Variants in PTPRT observed in about 807,000 individuals in gnomAD.
PTPRT encodes receptor-type tyrosine-protein phosphatase T.
Under a neutral mutation model 176.8 loss-of-function variants are expected in PTPRT, and 56 were observed. The ratio of observed to expected loss-of-function variants is 0.32; its 90% CI spans 0.26 to 0.40. The LOEUF is 0.40. Among genes scored for constraint, PTPRT ranks in the 10% least tolerant of loss-of-function variants. The pLI is 1.00. For missense variants in PTPRT, 1,540 were observed against 1,908.2 expected (o/e 0.81, Z 3.60); for synonymous variants, 783 against 739.0 (o/e 1.06, Z -0.96).
chr20:42,232,116 A>G (rs2056146306), intron 15 of PTPRT, among the ~76,000 whole-genome samples: 1 of 152,202 alleles, frequency 6.6e-6, no homozygotes, highest in South Asian at 2.1e-4. Context: ...TAACTCCTAT[A>G]TACCCAGAAC....
At chr20:42,329,500 C>T (rs34542128) in intron 11 of PTPRT, among the ~76,000 whole-genome samples, 41,027 of 135,196 alleles carry the variant, frequency 0.3, 5,967 homozygotes, top group Non-Finnish European at 0.37. Flanking sequence ...CACACACACA[C>T]ACATACACAC....
At chr20:42,532,417 T>C (rs890372997) in intron 7 of PTPRT, among the ~76,000 whole-genome samples, 2 of 152,164 alleles carry the variant, frequency 1.3e-5, no homozygotes, top group African/African-American at 2.4e-5. Flanking sequence ...CCATCTTTTT[T>C]TGAGACAGGG....
chr20:42,980,674 G>C (rs183784227), intron 1 of PTPRT, among the ~76,000 whole-genome samples: 2 of 152,262 alleles, frequency 1.3e-5, no homozygotes, highest in African/African-American at 2.4e-5. Context: ...TCAAATCTCA[G>C]CTCTGACCAA....
Position 42,933,932 on chromosome 20 carries a change from C to T in PTPRT, c.89-48000G>A, listed in dbSNP as rs1025605132. On this transcript the variant is annotated intron_variant, in intron 1 of 30. Transcript: ENST00000373187. ...CATACAATCATGGTGAATCCCCTAT[C>T]AGCTCAACATCCTATGCAATTTTTC... Among the ~76,000 whole-genome samples the T allele has an allele frequency of 2.6e-5, 4 of 152,242 alleles. No homozygotes were observed. The East Asian group carries it at 7.7e-4, about 29-fold the overall frequency.
intron 21 of PTPRT, chr20:42,116,045 G>A (rs745453795): frequency 1.2e-5 from 9 of 723,972 alleles, no homozygotes; most frequent in South Asian, 7.4e-5. Flanking sequence ...TTACCATTCC[G>A]GGGGACGCCG....
At chr20:42,533,367 G>A (rs572506186) in intron 7 of PTPRT, among the ~76,000 whole-genome samples, 1 of 152,308 alleles carries the variant, frequency 6.6e-6, no homozygotes, top group South Asian at 2.1e-4. Flanking sequence ...CCGGCAGTGA[G>A]CCGTCTCTCT....
chr20:42,730,060 C>A (rs1372862304), intron 6 of PTPRT, among the ~76,000 whole-genome samples: 1 of 152,128 alleles, frequency 6.6e-6, no homozygotes, highest in Non-Finnish European at 1.5e-5. Flanking sequence ...GAGAAAGGCT[C>A]AAAATGAAAG....
chr20:42,460,868 C>G (rs1431690126), intron 8 of PTPRT, among the ~76,000 whole-genome samples: 1 of 152,136 alleles, frequency 6.6e-6, no homozygotes, highest in Non-Finnish European at 1.5e-5. Flanking sequence ...TTAACCAGTT[C>G]TTTATAGCAG....
intron 1 of PTPRT, among the ~76,000 whole-genome samples, chr20:43,159,068 G>C (rs907298321): frequency 6.6e-6 from 1 of 152,032 alleles, no homozygotes; most frequent in Non-Finnish European, 1.5e-5. Context: ...GTTAAGGAGA[G>C]GCCAAGTGAT....
chr20:42,080,353 G>T lies in PTPRT; in HGVS notation c.*526C>A. On this transcript the variant is annotated 3_prime_UTR_variant, in exon 31 of 31. Transcript: ENST00000373187. Reference sequence around the variant, plus strand: ...CTTGTGGCCTAGGGAACATCGTAAGGTCACACTGGTCCAGACTGCAAATGT... The same window carrying T: ...CTTGTGGCCTAGGGAACATCGTAAGTTCACACTGGTCCAGACTGCAAATGT... 1 of 233,438 alleles carries T rather than the reference G, an allele frequency of 4.3e-6. No homozygotes were observed. The highest frequency in any genetic ancestry group is 8.4e-6 in the Non-Finnish European group (1 of 118,378). 14.5% of individuals were successfully genotyped at this position (233,438 alleles called of 1,614,324 possible).
intron 1 of PTPRT, among the ~76,000 whole-genome samples, chr20:43,153,989 C>T (rs2014443699): frequency 6.6e-6 from 1 of 152,194 alleles, no homozygotes; most frequent in South Asian, 2.1e-4. Flanking sequence ...AAGTTCCTTG[C>T]AGGTGAGAAG....
intron 1 of PTPRT, among the ~76,000 whole-genome samples, chr20:42,914,972 T>C (rs1250415943): frequency 6.6e-6 from 1 of 152,068 alleles, no homozygotes; most frequent in African/African-American, 2.4e-5. Flanking sequence ...ACCATTCCAA[T>C]TTTCTAAACC....
chr20:42,677,915 C>T lies in PTPRT; in HGVS notation c.1104G>A (p.Gly368=). ...GGGGAGGCCCTGGCGGTCCCGTACC[C>T]CCCTCACCTGGTCGTGTGAGGAGCA... ...IRVLLTRPGE[G]GTGPPGPPLT... Residue 368 remains glycine (G), a synonymous_variant, in exon 7 of 31, where the codon GGG becomes GGA. Transcript: ENST00000373187. The T allele has an allele frequency of 6.2e-7, 1 of 1,614,152 alleles. No homozygotes were observed. Among genetic ancestry groups the T allele is most frequent in the Non-Finnish European group, 8.5e-7 (1 of 1,180,028 alleles).
chr20:42,092,933 C>T (rs1302676698), intron 27 of PTPRT, among the ~76,000 whole-genome samples: 1 of 152,176 alleles, frequency 6.6e-6, no homozygotes, highest in Admixed American at 6.5e-5. Flanking sequence ...ACAGTGGGAG[C>T]CCCAGAACAG....
intron 7 of PTPRT, among the ~76,000 whole-genome samples, chr20:42,627,798 C>A (rs1236861372): frequency 6.6e-6 from 1 of 151,810 alleles, no homozygotes; most frequent in Non-Finnish European, 1.5e-5. Context: ...TAGTTGCAAT[C>A]TGAGACAGTC....
intron 11 of PTPRT, among the ~76,000 whole-genome samples, chr20:42,321,506 ACTCCC>A (rs1491003635): frequency 2.6e-5 from 4 of 152,078 alleles, no homozygotes; most frequent in Non-Finnish European, 5.9e-5. Flanking sequence ...CAGTATTCTC[ACTCCC>A]TTGGAAGACA....
intron 7 of PTPRT, among the ~76,000 whole-genome samples, chr20:42,578,911 G>T (rs1010787089): frequency 2.0e-5 from 3 of 147,980 alleles, no homozygotes; most frequent in Admixed American, 6.7e-5. Flanking sequence ...TTGGGGGGGG[G>T]TCGGTTTTTA....
intron 2 of PTPRT, among the ~76,000 whole-genome samples, chr20:42,885,407 T>C (rs1395735728): frequency 2.0e-5 from 3 of 150,224 alleles, no homozygotes; most frequent in African/African-American, 7.3e-5. Flanking sequence ...AATATAACCT[T>C]ATAATAGTCT....
At chr20:42,568,832 G>A (rs772964715) in intron 7 of PTPRT, among the ~76,000 whole-genome samples, 3 of 151,588 alleles carry the variant, frequency 2.0e-5, no homozygotes, top group African/African-American at 4.8e-5. Flanking sequence ...GGTGGATCAC[G>A]AGGTCAGGAG....
Sources: gnomAD v4.1 joint callset for allele counts (sites outside exome capture counted in the v4.1 genomes callset) on GRCh38, gnomAD v4.1.1 for gene constraint, MANE v1.5 for transcripts, NCBI Gene and HGNC (gene_info 2026-07-23, HGNC 2026-07-21) for gene names.